Variants in DLGAP2 observed in about 807,000 individuals in gnomAD.
The protein encoded by DLGAP2 is disks large-associated protein 2.
In DLGAP2, 26 loss-of-function variants were observed where a neutral mutation model predicts 100.3. The observed-to-expected ratio is 0.26, with a 90% CI of 0.19 to 0.36. The LOEUF is 0.36. Ranked by LOEUF, DLGAP2 falls within the 10% of genes least tolerant of loss-of-function variation. The pLI is 1.00. For synonymous variants in DLGAP2, 886 were observed against 630.1 expected (o/e 1.41, Z -6.08); for missense variants, 1,858 against 1,453.2 (o/e 1.28, Z -4.53).
intron 3 of DLGAP2, among the ~76,000 whole-genome samples, chr8:1,283,137 G>C (rs1318716856): frequency 6.9e-6 from 1 of 145,042 alleles, no homozygotes; most frequent in Non-Finnish European, 1.5e-5. Context: ...GGTGTGACCT[G>C]AACCCAGCAC....
chr8:1,158,845 G>A (rs917779234), intron 2 of DLGAP2, among the ~76,000 whole-genome samples: 1 of 152,174 alleles, frequency 6.6e-6, no homozygotes, highest in Non-Finnish European at 1.5e-5. Context: ...TGGGGACCCC[G>A]TTAGTGGGAT....
chr8:1,188,816 C>T (rs1472487761), intron 2 of DLGAP2, among the ~76,000 whole-genome samples: 2 of 146,736 alleles, frequency 1.4e-5, no homozygotes, highest in African/African-American at 5.5e-5. Context: ...GCTGCGTCCT[C>T]AGGATGTGCC....
chr8:1,430,166 T>C (rs2129982178), intron 3 of DLGAP2, among the ~76,000 whole-genome samples: 1 of 151,144 alleles, frequency 6.6e-6, no homozygotes. Flanking sequence ...GCACTCACTT[T>C]AAAGGTGACA....
chr8:877,939 G>T (rs1430148567), intron 1 of DLGAP2, among the ~76,000 whole-genome samples: 1 of 152,246 alleles, frequency 6.6e-6, no homozygotes, highest in Non-Finnish European at 1.5e-5. Flanking sequence ...AGGGATAGGA[G>T]AGAGCAGACT....
chr8:1,634,141 A>G (rs1332090311), intron 8 of DLGAP2, among the ~76,000 whole-genome samples: 1 of 152,248 alleles, frequency 6.6e-6, no homozygotes, highest in Non-Finnish European at 1.5e-5. Context: ...TCCTCGCTGC[A>G]AGAACTTAGG....
At chr8:988,693 G>A (rs1350831756) in intron 2 of DLGAP2, among the ~76,000 whole-genome samples, 1 of 152,084 alleles carries the variant, frequency 6.6e-6, no homozygotes, top group Non-Finnish European at 1.5e-5. Flanking sequence ...TCCATCTGAT[G>A]TGTTCCCTGC....
chr8:1,581,114 A>G (rs905788617), intron 6 of DLGAP2, among the ~76,000 whole-genome samples: 2 of 151,994 alleles, frequency 1.3e-5, no homozygotes, highest in East Asian at 1.9e-4. Context: ...TGAAGGATAC[A>G]GACAAAACAC....
In DLGAP2 at chr8:1,697,224, C is replaced by T. The variant is rs576181056; in HGVS notation, c.2874C>T (p.Asp958=). ...YWDMLQLSIE[D]VSMKFDELQR... ...ACATGCTGCAGCTCTCCATTGAGGA[C>T]GTCAGCATGAAGTTCGACGAGCTGC... is the stretch of plus-strand genomic sequence containing the variant. The change falls in exon 14 of 15, where the codon GAC becomes GAT. Residue 958 remains aspartate (D), a synonymous_variant. Transcript: ENST00000637795. 80 of 1,611,864 alleles carry T rather than the reference C, an allele frequency of 5.0e-5. No individual in the cohort carries two copies. The East Asian group carries it at 1.0e-3, about 21-fold the overall frequency.
chr8:1,526,004 G>C (rs780694550), intron 4 of DLGAP2, among the ~76,000 whole-genome samples: 1 of 151,936 alleles, frequency 6.6e-6, no homozygotes, highest in Non-Finnish European at 1.5e-5. Context: ...TTACATACTT[G>C]CCAAGTGAAC....
intron 2 of DLGAP2, among the ~76,000 whole-genome samples, chr8:1,116,696 C>G (rs901810425): frequency 6.6e-6 from 1 of 151,978 alleles, no homozygotes; most frequent in Admixed American, 6.6e-5. Flanking sequence ...ACTCAGGAGG[C>G]TCTCAGAGGT....
chr8:810,508 A>T (rs1028039821), intron 1 of DLGAP2, among the ~76,000 whole-genome samples: 1 of 152,246 alleles, frequency 6.6e-6, no homozygotes, highest in Non-Finnish European at 1.5e-5. Flanking sequence ...TTTTCGAAGT[A>T]CATTCTATAA....
At chr8:1,526,332 G>A (rs915706572) in intron 4 of DLGAP2, among the ~76,000 whole-genome samples, 15 of 151,888 alleles carry the variant, frequency 9.9e-5, no homozygotes, top group African/African-American at 1.9e-4. Flanking sequence ...CACGCCTACC[G>A]GCAGGGCTGA....
rs551780227 is a variant in DLGAP2 at position 1,201,105 on chromosome 8, G to C, written c.74-57746G>C. Reference sequence around the variant, plus strand: ...ACCAGCACTGGGGAGGCTGCTCCCCGTCCCCGAGGCCTGGAGCCGTGGGAG... The same window carrying C: ...ACCAGCACTGGGGAGGCTGCTCCCCCTCCCCGAGGCCTGGAGCCGTGGGAG... On this transcript the variant is annotated intron_variant, in intron 2 of 14. Transcript: ENST00000637795. Among the ~76,000 whole-genome samples the C allele has an allele frequency of 2.0e-5, 3 of 152,192 alleles. No individual in the cohort carries two copies. The South Asian group carries it at 6.2e-4, about 32-fold the overall frequency.
intron 3 of DLGAP2, among the ~76,000 whole-genome samples, chr8:1,421,465 A>C (rs1797085774): frequency 6.6e-6 from 1 of 152,236 alleles, no homozygotes; most frequent in Non-Finnish European, 1.5e-5. Context: ...ACACAATCTG[A>C]AAATGCATAG....
intron 3 of DLGAP2, among the ~76,000 whole-genome samples, chr8:1,358,439 G>T (rs1441042247): frequency 6.6e-6 from 1 of 152,142 alleles, no homozygotes; most frequent in Non-Finnish European, 1.5e-5. Context: ...TAAGGAGGTA[G>T]ATTTTAGCTG....
At chr8:1,278,402 A>T (rs781631567) in intron 3 of DLGAP2, among the ~76,000 whole-genome samples, 36 of 152,178 alleles carry the variant, frequency 2.4e-4, no homozygotes, top group Non-Finnish European at 4.4e-4. Context: ...TCATTACTCA[A>T]TTACTTTACC....
intron 3 of DLGAP2, among the ~76,000 whole-genome samples, chr8:1,470,842 G>C (rs187220268): frequency 0.2 from 1,119 of 5,462 alleles, 128 homozygotes; most frequent in African/African-American, 0.34. Flanking sequence ...ACCCCTCCAG[G>C]CTTTCCCGAC....
chr8:1,675,833 T>G (rs886568713), intron 10 of DLGAP2, among the ~76,000 whole-genome samples: 2 of 152,124 alleles, frequency 1.3e-5, no homozygotes, highest in Non-Finnish European at 2.9e-5. Flanking sequence ...GTTTTGTTTT[T>G]TTTTTTTTAG....
chr8:1,225,352 C>T (rs1166219842), intron 2 of DLGAP2, among the ~76,000 whole-genome samples: 1 of 152,214 alleles, frequency 6.6e-6, no homozygotes, highest in African/African-American at 2.4e-5. Context: ...TCTGTGATTT[C>T]ACATCAATGA....
Sources: gnomAD v4.1 joint callset for allele counts (sites outside exome capture counted in the v4.1 genomes callset) on GRCh38, gnomAD v4.1.1 for gene constraint, MANE v1.5 for transcripts, NCBI Gene and HGNC (gene_info 2026-07-23, HGNC 2026-07-21) for gene names.